CADPS2: variants seen among roughly 807,000 people sequenced by gnomAD.
CADPS2 encodes calcium-dependent secretion activator 2.
Under a neutral mutation model 172.5 loss-of-function variants are expected in CADPS2, and 93 were observed. The observed-to-expected ratio is 0.54, with a 90% CI of 0.46 to 0.64. The LOEUF is 0.64. Ranked by LOEUF, CADPS2 falls within the 30% of genes least tolerant of loss-of-function variation. CADPS2 has a pLI of 0.00. For synonymous variants in CADPS2, 546 were observed against 555.2 expected (o/e 0.98, Z 0.23); for missense variants, 1,420 against 1,565.9 (o/e 0.91, Z 1.57).
intron 9 of CADPS2, among the ~76,000 whole-genome samples, chr7:122,511,619 G>A (rs187037914): frequency 1.2e-4 from 18 of 152,200 alleles, no homozygotes; most frequent in Non-Finnish European, 1.8e-4. Context: ...AGCTGGGTTT[G>A]TTCCCAAACT....
At chr7:122,819,380 T>G (rs1802450449) in intron 1 of CADPS2, among the ~76,000 whole-genome samples, 2 of 152,148 alleles carry the variant, frequency 1.3e-5, no homozygotes. Flanking sequence ...CTTCTCGGCT[T>G]AGCGGCTGAA....
intron 1 of CADPS2, among the ~76,000 whole-genome samples, chr7:122,828,748 C>T (rs960759827): frequency 6.6e-6 from 1 of 152,148 alleles, no homozygotes; most frequent in African/African-American, 2.4e-5. Context: ...CTTCTTTCAT[C>T]TGAGACTGTT....
At chr7:122,378,276 A>G (rs1186000087) in intron 25 of CADPS2, among the ~76,000 whole-genome samples, 2 of 152,174 alleles carry the variant, frequency 1.3e-5, no homozygotes, top group East Asian at 3.9e-4. Context: ...GTATGACAAA[A>G]TAGAAAAAGG....
chr7:122,504,787 G>A (rs10269655), intron 9 of CADPS2, among the ~76,000 whole-genome samples: 65,463 of 151,832 alleles, frequency 0.43, 14,489 homozygotes, highest in African/African-American at 0.53. Context: ...CTGGTCTCAA[G>A]CTCTCAAACT....
At chr7:122,732,635 G>T (rs1193892130) in intron 2 of CADPS2, among the ~76,000 whole-genome samples, 1 of 143,970 alleles carries the variant, frequency 6.9e-6, no homozygotes, top group Non-Finnish European at 1.5e-5. Flanking sequence ...CTTGGGTGGG[G>T]GTGTCTTTGT....
intron 5 of CADPS2, among the ~76,000 whole-genome samples, chr7:122,619,313 T>A (rs572482161): frequency 6.6e-6 from 1 of 152,290 alleles, no homozygotes; most frequent in African/African-American, 2.4e-5. Flanking sequence ...GCTCTACAAA[T>A]TATTTTTTTC....
At chr7:122,324,618 A>C (rs1482112776) in intron 29 of CADPS2, among the ~76,000 whole-genome samples, 1 of 152,040 alleles carries the variant, frequency 6.6e-6, no homozygotes, top group Non-Finnish European at 1.5e-5. Context: ...TCATATATAC[A>C]CACATTATGT....
At chr7:122,337,337 GAT>G (rs2036007559) in intron 28 of CADPS2, among the ~76,000 whole-genome samples, 1 of 152,336 alleles carries the variant, frequency 6.6e-6, no homozygotes, top group Admixed American at 6.5e-5. Context: ...CTCATGCAAA[GAT>G]GTGTATTTCT....
intron 7 of CADPS2, among the ~76,000 whole-genome samples, chr7:122,559,276 A>G (rs548803670): frequency 1.7e-4 from 26 of 152,140 alleles, no homozygotes; most frequent in Admixed American, 3.3e-4. Flanking sequence ...ACCCTAGAAA[A>G]AAACACATGA....
chr7:122,438,740 G>A (rs1448470893), intron 16 of CADPS2, among the ~76,000 whole-genome samples: 7 of 151,990 alleles, frequency 4.6e-5, no homozygotes, highest in Admixed American at 6.6e-5. Flanking sequence ...ACCATTCAGT[G>A]TGACTGTCAC....
chr7:122,508,315 T>G (rs974194521), intron 9 of CADPS2, among the ~76,000 whole-genome samples: 3 of 151,928 alleles, frequency 2.0e-5, no homozygotes, highest in African/African-American at 7.2e-5. Flanking sequence ...GGCATTGTTT[T>G]TTTCTCCTCC....
intron 6 of CADPS2, among the ~76,000 whole-genome samples, chr7:122,608,847 A>C (rs1412058107): frequency 2.0e-5 from 3 of 152,134 alleles, no homozygotes; most frequent in Non-Finnish European, 2.9e-5. Flanking sequence ...CAGTGCACTT[A>C]TATTTTATTG....
chr7:122,567,881 G>C (rs939184680), intron 7 of CADPS2, among the ~76,000 whole-genome samples: 1 of 151,828 alleles, frequency 6.6e-6, no homozygotes, highest in East Asian at 1.9e-4. Context: ...GAGGAGAAAC[G>C]GGATAACAGA....
chr7:122,706,628 G>GTA (rs139124770), intron 2 of CADPS2, among the ~76,000 whole-genome samples: 9,414 of 145,452 alleles, frequency 0.065, 343 homozygotes, highest in South Asian at 0.17. Flanking sequence ...GTGTGTGTGT[G>GTA]TATATATATA....
rs760216564 is a variant in CADPS2 at position 122,436,379 on chromosome 7, G to C, written c.2476+1962C>G. ...AATTACCTGTTTCCTTTTCTGCTGGGCCTAAAACATAAGAAAAGAGAATTT... is the reference window on the plus strand; with the variant it reads ...AATTACCTGTTTCCTTTTCTGCTGGCCCTAAAACATAAGAAAAGAGAATTT... On this transcript the variant is annotated intron_variant, in intron 17 of 29. Transcript: ENST00000449022. 33 of 1,277,798 alleles carry C rather than the reference G, an allele frequency of 2.6e-5. No individual in the cohort carries two copies. In the East Asian group the frequency reaches 1.8e-3, roughly 72 times the overall value. 79.2% of individuals were successfully genotyped at this position (1,277,798 alleles called of 1,614,324 possible). A position where few individuals can be genotyped will look rare whatever the true frequency, so the allele number is the denominator to read the frequency against.
intron 6 of CADPS2, among the ~76,000 whole-genome samples, chr7:122,608,446 T>C (rs2133705062): frequency 6.6e-6 from 1 of 152,310 alleles, no homozygotes; most frequent in East Asian, 1.9e-4. Context: ...CTTGCCATTC[T>C]GATAAGCATT....
At chr7:122,738,686 C>T (rs1270287750) in intron 1 of CADPS2, among the ~76,000 whole-genome samples, 1 of 151,910 alleles carries the variant, frequency 6.6e-6, no homozygotes, top group Non-Finnish European at 1.5e-5. Flanking sequence ...TAAATCTGTT[C>T]AAAAGGCTTA....
chr7:122,617,712 T>C (rs958558336), intron 5 of CADPS2, among the ~76,000 whole-genome samples: 1 of 152,130 alleles, frequency 6.6e-6, no homozygotes, highest in African/African-American at 2.4e-5. Flanking sequence ...AGTCATGGGA[T>C]CTGCTAGCCT....
intron 1 of CADPS2, among the ~76,000 whole-genome samples, chr7:122,868,689 G>A (rs568540014): frequency 2.6e-4 from 39 of 152,260 alleles, no homozygotes; most frequent in Non-Finnish European, 4.9e-4. Flanking sequence ...CTAACAGAAA[G>A]ATGTTCCAAA....
Sources: gnomAD v4.1 joint callset for allele counts (sites outside exome capture counted in the v4.1 genomes callset) on GRCh38, gnomAD v4.1.1 for gene constraint, MANE v1.5 for transcripts, NCBI Gene and HGNC (gene_info 2026-07-23, HGNC 2026-07-21) for gene names.